The following ERC2 variants were observed in gnomAD, a reference collection of about 807,000 sequenced individuals.
ERC2 encodes the protein ELKS/RAB6-interacting/CAST family member 2.
In ERC2, 42 loss-of-function variants were observed where a neutral mutation model predicts 114.8. That is an observed-to-expected ratio of 0.37 (90% CI 0.29 to 0.47). The LOEUF (loss-of-function observed/expected upper bound fraction) is 0.47. Among genes scored for constraint, ERC2 ranks in the 20% least tolerant of loss-of-function variants. ERC2 has a pLI of 0.99. For missense variants in ERC2, 939 were observed against 1,150.7 expected (o/e 0.82, Z 2.66); for synonymous variants, 454 against 425.5 (o/e 1.07, Z -0.82).
At chr3:56,043,335 A>G (rs1473706239) in intron 7 of ERC2, among the ~76,000 whole-genome samples, 2 of 152,202 alleles carry the variant, frequency 1.3e-5, no homozygotes, top group Non-Finnish European at 2.9e-5. Context: ...CACACATTGA[A>G]CAGAAAATGA....
At chr3:56,090,287 T>A (rs1211396816) in intron 6 of ERC2, among the ~76,000 whole-genome samples, 1 of 152,192 alleles carries the variant, frequency 6.6e-6, no homozygotes, top group African/African-American at 2.4e-5. Flanking sequence ...CTCTTTAACT[T>A]CTGCAGCTAT....
chr3:55,915,063 C>T (rs2065016299), intron 13 of ERC2, among the ~76,000 whole-genome samples: 1 of 152,034 alleles, frequency 6.6e-6, no homozygotes, highest in Non-Finnish European at 1.5e-5. Flanking sequence ...TTAATTTGAT[C>T]CACCCTATCG....
At chr3:55,596,402 T>C (rs907641701) in intron 17 of ERC2, among the ~76,000 whole-genome samples, 1 of 151,860 alleles carries the variant, frequency 6.6e-6, no homozygotes, top group Admixed American at 6.6e-5. Context: ...GGCAACATAG[T>C]GAGACCCCAT....
chr3:55,808,742 T>TATATATATATATATAA (rs1455596885), intron 14 of ERC2, among the ~76,000 whole-genome samples: 11 of 100,376 alleles, frequency 1.1e-4, no homozygotes, highest in African/African-American at 3.9e-4. Context: ...TATATATATA[T>TATATATATATATATAA]AACGTATAAC....
intron 3 of ERC2, among the ~76,000 whole-genome samples, chr3:56,230,767 G>A (rs2050568032): frequency 6.6e-6 from 1 of 152,176 alleles, no homozygotes; most frequent in South Asian, 2.1e-4. Flanking sequence ...TAGAGTAGGA[G>A]AAAAAGATAA....
At position 56,296,068 on chromosome 3, in the gene ERC2, A is replaced by T; in HGVS notation, c.1025T>A (p.Leu342Ter). The change falls in exon 3 of 18, where the codon TTG (leucine) becomes TAG (stop). Residue 342 changes from leucine (L) to a stop codon, truncating the protein, a stop_gained. Coordinates refer to ENST00000288221, the MANE Select transcript of ERC2 (RefSeq NM_015576.3). LOFTEE classifies it high-confidence loss of function. ...MAEAESQVSH[L>*]EVILDQKEKE... ...CTCTTTCTGATCTAAAATCACTTCC[A>T]AGTGGCTGACCTGAGACTCAGCCTC... 6.2e-7 allele frequency: 1 copy of T among 1,609,622 alleles called. No homozygotes were observed. Among genetic ancestry groups the T allele is most frequent in the East Asian group, 2.2e-5 (1 of 44,764 alleles).
chr3:55,787,574 T>A (rs1182345660), intron 14 of ERC2, among the ~76,000 whole-genome samples: 2 of 152,228 alleles, frequency 1.3e-5, no homozygotes, highest in African/African-American at 2.4e-5. Context: ...TAGTAACTTT[T>A]CATATATTTT....
intron 2 of ERC2, among the ~76,000 whole-genome samples, chr3:56,400,274 T>G (rs1426545724): frequency 6.6e-6 from 1 of 152,090 alleles, no homozygotes; most frequent in African/African-American, 2.4e-5. Flanking sequence ...GGTGTAGAAG[T>G]GACCACAGGT....
chr3:56,136,129 C>T (rs1391890666), intron 6 of ERC2, among the ~76,000 whole-genome samples: 1 of 152,100 alleles, frequency 6.6e-6, no homozygotes, highest in Non-Finnish European at 1.5e-5. Flanking sequence ...AGCCGCAAAC[C>T]GAGACAGCTT....
intron 14 of ERC2, among the ~76,000 whole-genome samples, chr3:55,740,616 C>T (rs2065916175): frequency 6.6e-6 from 1 of 152,108 alleles, no homozygotes; most frequent in Non-Finnish European, 1.5e-5. Context: ...ACATTTCATA[C>T]TTCAGGATAT....
chr3:55,927,679 A>C (rs2065826923), intron 13 of ERC2, among the ~76,000 whole-genome samples: 1 of 152,144 alleles, frequency 6.6e-6, no homozygotes, highest in South Asian at 2.1e-4. Flanking sequence ...GTGTTATCAA[A>C]TACTAGATCT....
chr3:56,407,483 T>A (rs763174683), intron 2 of ERC2, among the ~76,000 whole-genome samples: 1 of 152,204 alleles, frequency 6.6e-6, no homozygotes, highest in Non-Finnish European at 1.5e-5. Context: ...ACCTTCTGCA[T>A]CAGCATTTCT....
chr3:56,412,289 ATT>A (rs1576830945), intron 2 of ERC2, among the ~76,000 whole-genome samples: 1 of 152,226 alleles, frequency 6.6e-6, no homozygotes, highest in African/African-American at 2.4e-5. Flanking sequence ...CAACACCTTG[ATT>A]TCAGACTTCT....
At chr3:55,775,980 GA>G (rs1339654866) in intron 14 of ERC2, among the ~76,000 whole-genome samples, 2 of 152,212 alleles carry the variant, frequency 1.3e-5, no homozygotes, top group Non-Finnish European at 2.9e-5. Flanking sequence ...GAAGGATAAA[GA>G]AAGCAGTTTG....
At chr3:55,537,924 C>T (rs2054106442) in intron 17 of ERC2, among the ~76,000 whole-genome samples, 1 of 152,176 alleles carries the variant, frequency 6.6e-6, no homozygotes, top group South Asian at 2.1e-4. Flanking sequence ...AACACTGCAT[C>T]CCCTTCCCCC....
intron 15 of ERC2, among the ~76,000 whole-genome samples, chr3:55,729,264 TCC>T (rs1038103783): frequency 1.8e-4 from 28 of 152,198 alleles, no homozygotes; most frequent in African/African-American, 6.3e-4. Context: ...CTCCTTGCTA[TCC>T]CCCAAACACA....
intron 17 of ERC2, among the ~76,000 whole-genome samples, chr3:55,653,204 C>A (rs2060710631): frequency 6.4e-5 from 3 of 46,858 alleles, no homozygotes; most frequent in Admixed American, 3.1e-4. Flanking sequence ...TTCATTACAC[C>A]ATACATATAT....
chr3:56,323,756 T>G (rs1205203670), intron 2 of ERC2, among the ~76,000 whole-genome samples: 1 of 152,170 alleles, frequency 6.6e-6, no homozygotes, highest in Admixed American at 6.5e-5. Flanking sequence ...GCAGCCAGCC[T>G]CAACTGCAGC....
intron 3 of ERC2, among the ~76,000 whole-genome samples, chr3:56,219,267 CT>C (rs1233231952): frequency 6.6e-6 from 1 of 152,050 alleles, no homozygotes; most frequent in Non-Finnish European, 1.5e-5. Flanking sequence ...ACCTGCTCCC[CT>C]GAAACCTATT....
Sources: allele counts gnomAD v4.1 joint callset (sites outside exome capture counted in the v4.1 genomes callset), GRCh38; gene constraint gnomAD v4.1.1; transcripts MANE v1.5; gene names NCBI Gene and HGNC (gene_info 2026-07-23, HGNC 2026-07-21).